The following DUSP8 variants were observed in gnomAD, a reference collection of about 807,000 sequenced individuals.
DUSP8 encodes the protein dual specificity phosphatase 8.
Under a neutral mutation model 38.7 loss-of-function variants are expected in DUSP8, and 15 were observed. The ratio of observed to expected loss-of-function variants is 0.39; its 90% CI spans 0.26 to 0.60. The LOEUF is 0.60. DUSP8 is among the 20% of genes least tolerant of loss of function. The probability of loss-of-function intolerance (pLI) is 0.56; values close to 1 mark genes in which losing one functional copy is unlikely to be tolerated. For synonymous variants in DUSP8, 458 were observed against 433.9 expected (o/e 1.06, Z -0.69); for missense variants, 768 against 915.0 (o/e 0.84, Z 2.07).
In DUSP8 at chr11:1,567,880, C is replaced by T. The variant is rs1405481699; in HGVS notation, c.-108-1946G>A. Among the ~76,000 whole-genome samples, 3 of 152,302 alleles carry T rather than the reference C, an allele frequency of 2.0e-5. No homozygotes were observed. In the East Asian group the frequency reaches 5.8e-4, roughly 29 times the overall value. On this transcript the variant is annotated intron_variant, in intron 1 of 6. Transcript: ENST00000397374. ...GCCTGCCTGCTGTGGAGGGTCTCTG[C>T]CTGCCAAGGGGGTCCCTGACTACCC...
chr11:1,557,009 AGCCGGCGGGGGG>A lies in DUSP8; in HGVS notation c.1375_1386del (p.Pro459_Gly462del). 1 of 1,020,740 alleles carries A rather than the reference AGCCGGCGGGGGG, an allele frequency of 9.8e-7. No homozygotes were observed. The highest frequency in any genetic ancestry group is 4.5e-5 in the South Asian group (1 of 22,440). The allele number at this position is 1,020,740 out of a possible 1,614,324, so 63.2% of individuals were successfully genotyped here. A position where few individuals can be genotyped will look rare whatever the true frequency, so the allele number is the denominator to read the frequency against. ...CTGTGCGCGGGGGAGCGCGCGGGGG[AGCCGGCGGGGGG>A]CCGGGGCCGCCGGCGGGGCCGTGGG... On this transcript the variant is annotated inframe_deletion, in exon 7 of 7. Coordinates refer to ENST00000397374, the MANE Select transcript of DUSP8 (RefSeq NM_004420.3). The surrounding 1 kb of genome is among the most constrained non-coding windows in gnomAD (Gnocchi z 9.9).
chr11:1,568,392 C>T (rs950030550), intron 1 of DUSP8, among the ~76,000 whole-genome samples: 14 of 138,512 alleles, frequency 1.0e-4, no homozygotes, highest in African/African-American at 2.5e-4. Flanking sequence ...GGCGGGAGGA[C>T]GGGTCCTGGC....
At chr11:1,563,700 G>T in intron 3 of DUSP8, 151 bp downstream of exon 3, 2 of 757,482 alleles carry the variant, frequency 2.6e-6, no homozygotes, top group Non-Finnish European at 2.0e-6. Flanking sequence ...AAGTGTGGGC[G>T]TCCTGGGGAG....
intron 2 of DUSP8, among the ~76,000 whole-genome samples, chr11:1,564,400 C>G (rs1053611629): frequency 2.6e-5 from 4 of 152,212 alleles, no homozygotes; most frequent in African/African-American, 9.7e-5. Context: ...GAAACGCATG[C>G]CTTCGGGTGT....
At position 1,572,190 on chromosome 11, in the gene DUSP8, G is replaced by T. The variant is rs1316438752; in HGVS notation, c.-398C>A. On this transcript the variant is annotated 5_prime_UTR_variant, in exon 1 of 7. Transcript: ENST00000397374. This position sits in a 1 kb window ranked among gnomAD's most constrained non-coding sequence, Gnocchi z 4.7. Reference sequence around the variant, plus strand: ...AGGTTCCGGCGCGGCTCGGGCTCGGGCTCGGGCTCGGGCTCGGGCGTCCGG... The same window carrying T: ...AGGTTCCGGCGCGGCTCGGGCTCGGTCTCGGGCTCGGGCTCGGGCGTCCGG... 6.9e-6 allele frequency among the ~76,000 whole-genome samples: 1 copy of T among 145,052 alleles called. No homozygotes were observed. Among genetic ancestry groups the T allele is most frequent in the African/African-American group, 2.5e-5 (1 of 40,608 alleles).
At position 1,556,516 on chromosome 11, in the gene DUSP8, G is replaced by C. The variant is rs1401234839; in HGVS notation, c.*2C>G. The C allele has an allele frequency of 6.2e-6, 8 of 1,291,512 alleles. No homozygotes were observed. The highest frequency in any genetic ancestry group is 7.9e-6 in the Non-Finnish European group (8 of 1,017,724). The allele number at this position is 1,291,512 out of a possible 1,614,324, so 80.0% of individuals were successfully genotyped here. A position where few individuals can be genotyped will look rare whatever the true frequency, so the allele number is the denominator to read the frequency against. On this transcript the variant is annotated 3_prime_UTR_variant, in exon 7 of 7. Transcript: ENST00000397374. The surrounding 1 kb of genome is among the most constrained non-coding windows in gnomAD (Gnocchi z 5.2). The stretch of plus-strand genomic sequence containing the variant: ...GCGGCGGGGCCGAGGGCAGCGGAGG[G>C]GTCAGGACACCTCGATGACCTCCAC...
At chr11:1,561,908 G>A (rs1848722793) in intron 3 of DUSP8, among the ~76,000 whole-genome samples, 1 of 152,206 alleles carries the variant, frequency 6.6e-6, no homozygotes, top group South Asian at 2.1e-4. Flanking sequence ...GGAGCCTGAG[G>A]GCAGAGCCCG....
In DUSP8 at chr11:1,558,952, G is replaced by A. The variant is rs201244984; in HGVS notation, c.474C>T (p.Ser158=). The A allele has an allele frequency of 4.3e-5, 70 of 1,612,854 alleles. No homozygotes were observed. The Admixed American group carries it at 5.7e-4, about 13-fold the overall frequency. The change falls in exon 4 of 7, where the codon AGC becomes AGT. Residue 158 remains serine (S), a synonymous_variant. Transcript: ENST00000397374. This position sits in a 1 kb window ranked among gnomAD's most constrained non-coding sequence, Gnocchi z 6.3. ...SLSQPCLPVP[S]VGLTRILPHL... ...GAGGCAGGATGCGGGTCAGGCCCACGCTGGGCACAGGCAGGCAGGGCTGGG... is the reference window on the plus strand; with the variant it reads ...GAGGCAGGATGCGGGTCAGGCCCACACTGGGCACAGGCAGGCAGGGCTGGG...
chr11:1,564,043 GCC>G (rs1848763892), intron 2 of DUSP8, 54 bp from the exon 3 acceptor site: 2 of 1,393,876 alleles, frequency 1.4e-6, no homozygotes, highest in East Asian at 5.6e-5. Context: ...CGATGCCCTG[GCC>G]CCGTCCCAGA....
chr11:1,558,954 T>G lies in DUSP8; in HGVS notation c.472A>C (p.Ser158Arg). 1 of 1,612,950 alleles carries G rather than the reference T, an allele frequency of 6.2e-7. No homozygotes were observed. Among genetic ancestry groups the G allele is most frequent in the Non-Finnish European group, 8.5e-7 (1 of 1,179,822 alleles). ...SLSQPCLPVP[S>R]VGLTRILPHL... Reference sequence around the variant, plus strand: ...GGCAGGATGCGGGTCAGGCCCACGCTGGGCACAGGCAGGCAGGGCTGGGAG... The same window carrying G: ...GGCAGGATGCGGGTCAGGCCCACGCGGGGCACAGGCAGGCAGGGCTGGGAG... The change falls in exon 4 of 7, where the codon AGC (serine) becomes CGC (arginine). Residue 158 changes from serine (S) to arginine (R), a missense_variant. Physicochemically the swap from Ser to Arg is moderately radical, Grantham distance 110 (BLOSUM62 -1). This residue lies in a region of DUSP8 where 252 missense variants were observed against 410.4 expected (regional missense o/e 0.61). Coordinates refer to ENST00000397374, the MANE Select transcript of DUSP8 (RefSeq NM_004420.3). The surrounding 1 kb of genome is among the most constrained non-coding windows in gnomAD (Gnocchi z 6.3).
At position 1,558,224 on chromosome 11, in the gene DUSP8, G is replaced by A. The variant is rs1377615574; in HGVS notation, c.585C>T (p.Asn195=). The A allele has an allele frequency of 6.2e-7, 1 of 1,600,888 alleles. No homozygotes were observed. The highest frequency in any genetic ancestry group is 2.3e-5 in the East Asian group (1 of 44,372). Residue 195 remains asparagine, a synonymous_variant, in exon 5 of 7, where the codon AAC becomes AAT. Coordinates refer to ENST00000397374, the MANE Select transcript of DUSP8 (RefSeq NM_004420.3). This position sits in a 1 kb window ranked among gnomAD's most constrained non-coding sequence, Gnocchi z 6.3. ...AGATGAAGTCAGGCTTGGGGCAGGA[G>A]TTGCTGGCGTTGAGGACGTAGCTTA... ...NGISYVLNAS[N]SCPKPDFICE... is the part of the protein sequence containing the mutation.
rs1848621944 is a variant in DUSP8 at position 1,556,318 on chromosome 11, A to C, written c.*200T>G. ...ACGTATGTTTCAGTTTAAATACCAG[A>C]CAGTAAAAATAGAGCTCGAGGACCA... On this transcript the variant is annotated 3_prime_UTR_variant, in exon 7 of 7. Coordinates refer to ENST00000397374, the MANE Select transcript of DUSP8 (RefSeq NM_004420.3). The surrounding 1 kb of genome is among the most constrained non-coding windows in gnomAD (Gnocchi z 5.2). The C allele has an allele frequency of 1.6e-6, 1 of 629,306 alleles. No homozygotes were observed. Among genetic ancestry groups the C allele is most frequent in the South Asian group, 8.7e-5 (1 of 11,526 alleles). 39.0% of individuals were successfully genotyped at this position (629,306 alleles called of 1,614,324 possible).
Position 1,554,393 on chromosome 11 carries a change from G to A in DUSP8, c.*2125C>T, listed in dbSNP as rs1400185768. 2 of 152,642 alleles carry A rather than the reference G, an allele frequency of 1.3e-5. No individual in the cohort carries two copies. The highest frequency in any genetic ancestry group is 3.9e-4 in the East Asian group (2 of 5,182). 9.5% of individuals were successfully genotyped at this position (152,642 alleles called of 1,614,324 possible). On this transcript the variant is annotated 3_prime_UTR_variant, in exon 7 of 7. Transcript: ENST00000397374. ...CCCGCCTCCCGCAGCACTGGAGGAG[G>A]CAGTGGCCAGGTGGGAGGGGCCGGA...
chr11:1,559,128 G>A lies in DUSP8; in HGVS notation c.371-73C>T, dbSNP rs191327220. ...CCTGTCCGCCTAGGGTGCCCTGTCC[G>A]CCTAGGGCACCCCATCTACTGCTGA... On this transcript the variant is annotated intron_variant, in intron 3 of 6. Transcript: ENST00000397374. 3.6e-4 allele frequency: 524 copies of A among 1,449,190 alleles called. 3 individuals are homozygous for A. The African/African-American group carries it at 6.7e-3, about 18-fold the overall frequency. 89.8% of individuals were successfully genotyped at this position (1,449,190 alleles called of 1,614,324 possible).
intron 3 of DUSP8, among the ~76,000 whole-genome samples, chr11:1,562,572 T>C (rs1848733042): frequency 6.6e-6 from 1 of 151,908 alleles, no homozygotes. Flanking sequence ...CAAATATACC[T>C]CCATGTATAT....
chr11:1,557,150 G>C lies in DUSP8; in HGVS notation c.1246C>G (p.Pro416Ala). 1 of 1,435,172 alleles carries C rather than the reference G, an allele frequency of 7.0e-7. No homozygotes were observed. The highest frequency in any genetic ancestry group is 9.1e-7 in the Non-Finnish European group (1 of 1,102,436). The allele number at this position is 1,435,172 out of a possible 1,614,324, so 88.9% of individuals were successfully genotyped here. Residue 416 changes from proline (P) to alanine (A), a missense_variant, in exon 7 of 7, where the codon CCC becomes GCC. Around this residue, in one of 3 missense-constraint regions of DUSP8, gnomAD observed 474 missense variants for 430.8 expected, o/e 1.10. Transcript: ENST00000397374. The surrounding 1 kb of genome is among the most constrained non-coding windows in gnomAD (Gnocchi z 9.9). ...TTGCAGAGCTTCGGGGCCTCGCCGG[G>C]GTCGGGGGGCCCGGGGCCGTCGGGC... ...RRPDGPGPPD[P>A]GEAPKLCKLD... is the part of the protein sequence containing the mutation.
Position 1,555,381 on chromosome 11 carries a change from G to A in DUSP8, c.*1137C>T. 1.0e-6 allele frequency: 1 copy of A among 987,296 alleles called. No individual in the cohort carries two copies. The highest frequency in any genetic ancestry group is 1.2e-6 in the Non-Finnish European group (1 of 830,124). The allele number at this position is 987,296 out of a possible 1,614,324, so 61.2% of individuals were successfully genotyped here. ...AGCAGGCCTATCCCAGCAGCACAGG[G>A]GCTTGGCTGGCGCCTGAACTCCCTG... On this transcript the variant is annotated 3_prime_UTR_variant, in exon 7 of 7. Coordinates refer to ENST00000397374, the MANE Select transcript of DUSP8 (RefSeq NM_004420.3).
At position 1,558,853 on chromosome 11, in the gene DUSP8, C is replaced by A; in HGVS notation, c.537+36G>T. The A allele has an allele frequency of 6.4e-7, 1 of 1,572,360 alleles. No individual in the cohort carries two copies. Among genetic ancestry groups the A allele is most frequent in the South Asian group, 1.2e-5 (1 of 86,824 alleles). On this transcript the variant is annotated intron_variant, in intron 4 of 6. Transcript: ENST00000397374. This position sits in a 1 kb window ranked among gnomAD's most constrained non-coding sequence, Gnocchi z 6.3. ...TGCTTCTGGAGCTCCTGCCCCTTTC[C>A]CATTGACCACCCCCCGAACTCCACT...
chr11:1,561,797 G>A (rs1411711555), intron 3 of DUSP8, among the ~76,000 whole-genome samples: 1 of 151,448 alleles, frequency 6.6e-6, no homozygotes, highest in Non-Finnish European at 1.5e-5. Flanking sequence ...TCCTGGGTGA[G>A]GGGCAGCACC....
Sources: allele counts gnomAD v4.1 joint callset (sites outside exome capture counted in the v4.1 genomes callset), GRCh38; gene constraint gnomAD v4.1.1; regional missense constraint gnomAD v4.1.1; non-coding constraint Gnocchi (gnomAD v3.1); transcripts MANE v1.5; gene names NCBI Gene and HGNC (gene_info 2026-07-23, HGNC 2026-07-21).